CYP4F11: variants seen among roughly 807,000 people sequenced by gnomAD.
CYP4F11 encodes cytochrome P450 family 4 subfamily F member 11, also known as cytochrome P450 4F11.
In CYP4F11, 79 loss-of-function variants were observed where a neutral mutation model predicts 62.2. The observed-to-expected ratio is 1.27, with a 90% CI of 1.06 to 1.53. CYP4F11 has a LOEUF of 1.53. Among genes scored for constraint, CYP4F11 ranks in the 40% most tolerant of loss-of-function variants. The pLI is 0.00. For synonymous variants in CYP4F11, 290 were observed against 263.7 expected, an observed-to-expected ratio of 1.10 and a Z score of -0.97; for missense variants, 777 against 680.5, an observed-to-expected ratio of 1.14 and a Z score of -1.58.
At chr19:15,924,641 C>T in intron 5 of CYP4F11, 120 bp downstream of exon 5, 1 of 1,197,804 alleles carries the variant, frequency 8.3e-7, no homozygotes, top group Non-Finnish European at 1.2e-6. Flanking sequence ...CAAAGCCCAG[C>T]TATGACACAC....
At chr19:15,925,741 C>A (rs2089664009) in intron 4 of CYP4F11, among the ~76,000 whole-genome samples, 1 of 151,000 alleles carries the variant, frequency 6.6e-6, no homozygotes, top group South Asian at 2.1e-4. Flanking sequence ...CACACACACA[C>A]ACACACACAC....
rs1568258419 is a variant in CYP4F11, at chr19:15,933,141, CGGGGAGAGGAATGAGTGAGT to C, written c.198+1050_198+1069del. On this transcript the variant is annotated intron_variant, in intron 1 of 11. Transcript: ENST00000402119. ...GTGAGCGAGGAGAGGAATGAGTGAG[CGGGGAGAGGAATGAGTGAGT>C]GGGGAGAGGAATGAGTGAGTGAGGA... 9.4e-3 allele frequency among the ~76,000 whole-genome samples: 34 copies of C among 3,600 alleles called. 1 individual carries two copies. Among genetic ancestry groups the C allele is most frequent in the Non-Finnish European group, 9.4e-3 (16 of 1,700 alleles). 2.4% of individuals were successfully genotyped at this position (3,600 alleles called of 152,430 possible).
At chr19:15,913,996 C>A in intron 11 of CYP4F11, 87 bp from the exon 12 acceptor site, 2 of 1,480,108 alleles carry the variant, frequency 1.4e-6, no homozygotes, top group Non-Finnish European at 1.8e-6. Context: ...GGACCCCAAA[C>A]GCACCCACAT....
At chr19:15,915,602 A>C (rs2089577784) in intron 8 of CYP4F11, among the ~76,000 whole-genome samples, 1 of 152,174 alleles carries the variant, frequency 6.6e-6, no homozygotes, top group South Asian at 2.1e-4. Flanking sequence ...TCTAGAGATA[A>C]TTTTTAGTAT....
chr19:15,927,141 T>A, intron 4 of CYP4F11, 71 bp downstream of exon 4: 1 of 1,553,318 alleles, frequency 6.4e-7, no homozygotes, highest in Non-Finnish European at 8.7e-7. Context: ...CAACCAAAAT[T>A]CCAGAGCAGA....
rs762570221 is a variant in CYP4F11 at position 15,914,828 on chromosome 19, C to T, written c.1183G>A (p.Val395Ile). The T allele has an allele frequency of 1.9e-6, 3 of 1,614,148 alleles. No homozygotes were observed. Among genetic ancestry groups the T allele is most frequent in the Non-Finnish European group, 2.5e-6 (3 of 1,180,022 alleles). The stretch of plus-strand genomic sequence containing the variant: ...GTGCAACATCGGGAGATGACCGGGA[C>T]TGGGGGATGCAACCGCAGGCTCTCC... ...IKESLRLHPP[V>I]PVISRCCTQD... Residue 395 changes from valine (V) to isoleucine (I), a missense_variant, in exon 9 of 12, where the codon GTC becomes ATC. Coordinates refer to ENST00000402119, the MANE Select transcript of CYP4F11 (RefSeq NM_021187.4).
rs1568479632 is a variant in CYP4F11 at position 15,912,755 on chromosome 19, G to GTATGTATATA, written c.*976_*977insTATATACATA. ...TGTGTATATGTATATATGTGTGTGT[G>GTATGTATATA]TGTGTGTGTGTGTGTGTATATATAT... On this transcript the variant is annotated 3_prime_UTR_variant, in exon 12 of 12. Coordinates refer to ENST00000402119, the MANE Select transcript of CYP4F11 (RefSeq NM_021187.4). 1.7e-3 allele frequency: 29 copies of GTATGTATATA among 17,096 alleles called. 2 individuals are homozygous for GTATGTATATA. In the South Asian group the frequency reaches 0.031, roughly 18 times the overall value. The allele number at this position is 17,096 out of a possible 1,614,324, so 1.1% of individuals were successfully genotyped here.
rs1179407709 is a variant in CYP4F11 at position 15,912,474 on chromosome 19, G to C, written c.*1258C>G. On this transcript the variant is annotated 3_prime_UTR_variant, in exon 12 of 12. Transcript: ENST00000402119. ...TTTGGAGATCAGAATCAAGGCCAGA[G>C]TAACCGAGTGTAGCAAGGGAAGGAG... is the stretch of plus-strand genomic sequence containing the variant. 2 of 151,874 alleles carry C rather than the reference G, an allele frequency of 1.3e-5. No individual in the cohort carries two copies. The highest frequency in any genetic ancestry group is 3.9e-4 in the East Asian group (2 of 5,184). 9.4% of individuals were successfully genotyped at this position (151,874 alleles called of 1,614,324 possible). A position where few individuals can be genotyped will look rare whatever the true frequency, so the allele number is the denominator to read the frequency against.
rs945700330 is a variant in CYP4F11 at position 15,934,412 on chromosome 19, G to A, written c.-4C>T. On this transcript the variant is annotated 5_prime_UTR_variant, in exon 1 of 12. Coordinates refer to ENST00000402119, the MANE Select transcript of CYP4F11 (RefSeq NM_021187.4). Reference sequence around the variant, plus strand: ...AGGACAGGCTCAGCTGCGGCATCCTGCAGGGCAGACGGGATGGAGGGTGGG... The same window carrying A: ...AGGACAGGCTCAGCTGCGGCATCCTACAGGGCAGACGGGATGGAGGGTGGG... 1.2e-6 allele frequency: 2 copies of A among 1,612,756 alleles called. No individual in the cohort carries two copies.
intron 1 of CYP4F11, among the ~76,000 whole-genome samples, chr19:15,930,303 G>A (rs2089702548): frequency 6.6e-6 from 1 of 152,142 alleles, no homozygotes; most frequent in African/African-American, 2.4e-5. Flanking sequence ...AAGATCCAAA[G>A]ATAATGGCCG....
At chr19:15,930,961 C>T (rs1055405584) in intron 1 of CYP4F11, among the ~76,000 whole-genome samples, 5 of 152,290 alleles carry the variant, frequency 3.3e-5, no homozygotes, top group African/African-American at 9.6e-5. Flanking sequence ...TCCACTGCAC[C>T]GATGGACACG....
At chr19:15,924,485 T>A (rs1049694306) in intron 5 of CYP4F11, among the ~76,000 whole-genome samples, 4 of 152,168 alleles carry the variant, frequency 2.6e-5, no homozygotes, top group Admixed American at 6.5e-5. Context: ...ACCACATCTG[T>A]CATCGGCCCA....
At chr19:15,920,992 C>A (rs2089621981) in intron 8 of CYP4F11, among the ~76,000 whole-genome samples, 1 of 151,724 alleles carries the variant, frequency 6.6e-6, no homozygotes, top group Admixed American at 6.6e-5. Context: ...CTCTTTCCCT[C>A]TTTTCTTTCT....
Position 15,912,725 on chromosome 19 carries a change from G to A in CYP4F11, c.*1007C>T, listed in dbSNP as rs2089543712. ...TGTGTGTGTGTGTGTGTGTGTGTGT[G>A]TGTGTGTGTATATGTATATATGTGT... On this transcript the variant is annotated 3_prime_UTR_variant, in exon 12 of 12. Transcript: ENST00000402119. 3 of 81,368 alleles carry A rather than the reference G, an allele frequency of 3.7e-5. No individual in the cohort carries two copies. The highest frequency in any genetic ancestry group is 4.9e-5 in the African/African-American group (1 of 20,406). The allele number at this position is 81,368 out of a possible 1,614,324, so 5.0% of individuals were successfully genotyped here. A position where few individuals can be genotyped will look rare whatever the true frequency, so the allele number is the denominator to read the frequency against.
At chr19:15,927,148 C>A (rs1481540356) in intron 4 of CYP4F11, 64 bp downstream of exon 4, 4 of 1,566,484 alleles carry the variant, frequency 2.6e-6, no homozygotes, top group Non-Finnish European at 3.5e-6. Flanking sequence ...AATTCCAGAG[C>A]AGATATGCCT....
intron 7 of CYP4F11, 29 bp downstream of exon 7, chr19:15,922,335 C>G: frequency 1.2e-6 from 2 of 1,613,566 alleles, no homozygotes; most frequent in Non-Finnish European, 1.7e-6. Context: ...GCCCCTGTCC[C>G]CACCGTAGTC....
At chr19:15,928,148 G>C (rs1484482128) in intron 2 of CYP4F11, 1 of 152,118 alleles carries the variant, frequency 6.6e-6, no homozygotes, top group Non-Finnish European at 1.5e-5. Context: ...CTACACCTTG[G>C]ACAAGCACCA....
intron 1 of CYP4F11, 99 bp downstream of exon 1, chr19:15,934,112 C>G (rs929064852): frequency 3.0e-6 from 4 of 1,325,810 alleles, no homozygotes; most frequent in Non-Finnish European, 4.2e-6. Context: ...GTTCCCACAC[C>G]CCAGCCACCC....
rs374763718 is a variant in CYP4F11 at position 15,914,843 on chromosome 19, G to C, written c.1168C>G (p.Arg390Gly). 6.2e-7 allele frequency: 1 copy of C among 1,614,114 alleles called. No individual in the cohort carries two copies. The highest frequency in any genetic ancestry group is 1.7e-5 in the Admixed American group (1 of 60,018). ...FLTMCIKESLRLHPPVPVISR... is the reference protein window; with the variant it reads ...FLTMCIKESLGLHPPVPVISR... ...ATGACCGGGACTGGGGGATGCAACC[G>C]CAGGCTCTCCTTAATGCACATGGTC... Residue 390 changes from arginine to glycine, a missense_variant, in exon 9 of 12, where the codon CGG (arginine) becomes GGG (glycine). Physicochemically the swap from Arg to Gly is moderately radical, Grantham distance 125. Coordinates refer to ENST00000402119, the MANE Select transcript of CYP4F11 (RefSeq NM_021187.4).
Sources: allele counts gnomAD v4.1 joint callset (sites outside exome capture counted in the v4.1 genomes callset), GRCh38; gene constraint gnomAD v4.1.1; transcripts MANE v1.5; gene names NCBI Gene and HGNC (gene_info 2026-07-23, HGNC 2026-07-21).